Variants in BCAS3 observed in about 807,000 individuals in gnomAD.
BCAS3 encodes the protein BCAS4/BCAS3 fusion.
BCAS3 carries 53 observed loss-of-function variants against 116.1 expected under a neutral mutation model. The observed-to-expected ratio is 0.46, with a 90% CI of 0.37 to 0.57. The LOEUF is 0.57. BCAS3 is among the 20% of genes least tolerant of loss of function. The probability of loss-of-function intolerance (pLI) is 0.00; values close to 1 mark genes in which losing one functional copy is unlikely to be tolerated. For synonymous variants in BCAS3, 391 were observed against 408.2 expected, an observed-to-expected ratio of 0.96 and a Z score of 0.51; for missense variants, 917 against 1,165.4, an observed-to-expected ratio of 0.79 and a Z score of 3.10.
chr17:61,026,793 T>G lies in BCAS3; in HGVS notation c.1638-7873T>G. The G allele has an allele frequency of 7.4e-7, 1 of 1,349,678 alleles. No homozygotes were observed. Among genetic ancestry groups the G allele is most frequent in the Non-Finnish European group, 1.0e-6 (1 of 962,446 alleles). 83.6% of individuals were successfully genotyped at this position (1,349,678 alleles called of 1,614,324 possible). On this transcript the variant is annotated intron_variant, in intron 16 of 23. Transcript: ENST00000407086. This position sits in a 1 kb window ranked among gnomAD's most constrained non-coding sequence, Gnocchi z 5.0. ...TTATCCATACTCTATAACAGTATGA[T>G]ATACTTGTATTTGCTAATGTTAAAT... is the stretch of plus-strand genomic sequence containing the variant.
chr17:60,831,304 G>A (rs1225680600), intron 7 of BCAS3, among the ~76,000 whole-genome samples: 1 of 152,086 alleles, frequency 6.6e-6, no homozygotes, highest in Non-Finnish European at 1.5e-5. Context: ...AGCCTCCTGA[G>A]TAGCTGGGAC....
chr17:60,924,191 T>C (rs2059248872), intron 12 of BCAS3, among the ~76,000 whole-genome samples: 1 of 152,202 alleles, frequency 6.6e-6, no homozygotes, highest in Non-Finnish European at 1.5e-5. Flanking sequence ...GTCAGCTGAC[T>C]CTTTTTAGAG....
rs1602361909 is a variant in BCAS3 at position 61,276,627 on chromosome 17, T to A, written c.2426-91700T>A. ...GTGCTCCCCAAATTGATCTACAGATTCAACACAATCTCTATCAAAATGATC... is the reference window on the plus strand; with the variant it reads ...GTGCTCCCCAAATTGATCTACAGATACAACACAATCTCTATCAAAATGATC... On this transcript the variant is annotated intron_variant, in intron 22 of 23. Transcript: ENST00000407086. The surrounding 1 kb of genome is among the most constrained non-coding windows in gnomAD (Gnocchi z 4.2). 6.6e-6 allele frequency among the ~76,000 whole-genome samples: 1 copy of A among 152,178 alleles called. No individual in the cohort carries two copies. The highest frequency in any genetic ancestry group is 1.9e-4 in the East Asian group (1 of 5,182).
intron 12 of BCAS3, among the ~76,000 whole-genome samples, chr17:60,922,158 G>T (rs547585260): frequency 1.3e-5 from 2 of 151,784 alleles, no homozygotes; most frequent in East Asian, 3.9e-4. Context: ...ACAGAGTCTT[G>T]CTCTGTTGCC....
chr17:61,317,659 G>T (rs117660781), intron 22 of BCAS3, among the ~76,000 whole-genome samples: 4,058 of 152,318 alleles, frequency 0.027, 78 homozygotes, highest in Non-Finnish European at 0.042. Flanking sequence ...TGAGAATTCA[G>T]CGAGACAAGA....
chr17:60,998,917 G>T (rs896731225), intron 15 of BCAS3, among the ~76,000 whole-genome samples: 1 of 151,878 alleles, frequency 6.6e-6, no homozygotes, highest in Non-Finnish European at 1.5e-5. Flanking sequence ...GTTTTTCCTG[G>T]GTTTTCTTCT....
chr17:60,854,750 C>T (rs982241542), intron 7 of BCAS3, among the ~76,000 whole-genome samples: 25 of 152,040 alleles, frequency 1.6e-4, no homozygotes, highest in African/African-American at 2.4e-4. Flanking sequence ...GTTGGTGGGA[C>T]GGTAAACTAG....
rs902952202 is a variant in BCAS3, at chr17:61,043,674, G to A, written c.2029+2782G>A. 8.6e-5 allele frequency among the ~76,000 whole-genome samples: 13 copies of A among 151,924 alleles called. 1 individual carries two copies. The highest frequency in any genetic ancestry group is 2.2e-4 in the African/African-American group (9 of 41,400). On this transcript the variant is annotated intron_variant, in intron 19 of 23. Coordinates refer to ENST00000407086, the MANE Select transcript of BCAS3 (RefSeq NM_017679.5). ...TGAGTAAATACGGGCCTGTGTGTGC[G>A]AGAGTGCCCTGCAATCGAATGGTGT...
intron 13 of BCAS3, among the ~76,000 whole-genome samples, chr17:60,928,966 A>G (rs545923468): frequency 5.3e-5 from 8 of 152,364 alleles, no homozygotes; most frequent in African/African-American, 1.9e-4. Flanking sequence ...TTGTAAATGC[A>G]TAGATACCTC....
At chr17:61,257,139 T>C (rs1221369214) in intron 22 of BCAS3, among the ~76,000 whole-genome samples, 1 of 151,890 alleles carries the variant, frequency 6.6e-6, no homozygotes, top group African/African-American at 2.4e-5. Flanking sequence ...AGGGCAGAAC[T>C]GGCCAGGCGT....
At chr17:60,950,510 C>CA (rs1394629034) in intron 14 of BCAS3, among the ~76,000 whole-genome samples, 3 of 152,282 alleles carry the variant, frequency 2.0e-5, no homozygotes, top group Admixed American at 6.5e-5. Flanking sequence ...TTTGTAGAGA[C>CA]AGAGTCTCGC....
chr17:60,816,516 G>A (rs979044258), intron 7 of BCAS3, among the ~76,000 whole-genome samples: 8 of 151,968 alleles, frequency 5.3e-5, no homozygotes, highest in African/African-American at 9.6e-5. Context: ...CTCGTGATCC[G>A]CCCGCCTCGG....
At position 61,314,234 on chromosome 17, in the gene BCAS3, G is replaced by A. The variant is rs1231993349; in HGVS notation, c.2426-54093G>A. The stretch of plus-strand genomic sequence containing the variant: ...GCATTCTCTTCTCCCTTTGTACTAA[G>A]CTGGCACCATTAGCAGCCTGCCATT... On this transcript the variant is annotated intron_variant, in intron 22 of 23. Coordinates refer to ENST00000407086, the MANE Select transcript of BCAS3 (RefSeq NM_017679.5). Among the ~76,000 whole-genome samples the A allele has an allele frequency of 3.9e-5, 6 of 152,274 alleles. No homozygotes were observed. In the South Asian group the frequency reaches 6.2e-4, roughly 16 times the overall value.
intron 22 of BCAS3, among the ~76,000 whole-genome samples, chr17:61,193,810 A>T (rs1210301045): frequency 6.8e-6 from 1 of 147,886 alleles, no homozygotes; most frequent in African/African-American, 2.5e-5. Context: ...AAACCTAGTC[A>T]TATTCTGCTT....
intron 13 of BCAS3, among the ~76,000 whole-genome samples, chr17:60,933,527 C>T (rs1213088795): frequency 6.6e-6 from 1 of 152,088 alleles, no homozygotes; most frequent in Non-Finnish European, 1.5e-5. Flanking sequence ...AATATGTACC[C>T]CTTTAGATGC....
At position 61,366,665 on chromosome 17, in the gene BCAS3, G is replaced by A. The variant is rs1483950819; in HGVS notation, c.2426-1662G>A. 1.3e-5 allele frequency among the ~76,000 whole-genome samples: 2 copies of A among 152,200 alleles called. No homozygotes were observed. The highest frequency in any genetic ancestry group is 1.9e-4 in the East Asian group (1 of 5,184). ...ACTTGATGGAGAGGTGGCAGAGGGA[G>A]CTCCCCATTCTCAAGTCCTACCTGA... is the stretch of plus-strand genomic sequence containing the variant. On this transcript the variant is annotated intron_variant, in intron 22 of 23. Transcript: ENST00000407086. The surrounding 1 kb of genome is among the most constrained non-coding windows in gnomAD (Gnocchi z 4.5).
intron 5 of BCAS3, among the ~76,000 whole-genome samples, chr17:60,730,563 AAAAAC>A (rs1013060592): frequency 3.9e-5 from 6 of 152,200 alleles, no homozygotes; most frequent in South Asian, 2.1e-4. Flanking sequence ...TAGGCAGGCA[AAAAAC>A]AAAACAAAAC....
Position 60,988,338 on chromosome 17 carries a change from C to CTTTTTTTTTTTTTTTTTTTTTTTTTTT in BCAS3, c.1222-1611_1222-1610insTTTTTTTTTTTTTTTTTTTTTTTTTTT, listed in dbSNP as rs71148317. ...TTTTCTTTCCTTTTCTTTTCTTTTT[C>CTTTTTTTTTTTTTTTTTTTTTTTTTTT]TTTTTTTTTTTTTTTTTTTTTTATG... On this transcript the variant is annotated intron_variant, in intron 14 of 23. Transcript: ENST00000407086. 6.9e-4 allele frequency among the ~76,000 whole-genome samples: 46 copies of CTTTTTTTTTTTTTTTTTTTTTTTTTTT among 66,776 alleles called. 1 individual carries two copies. Among genetic ancestry groups the CTTTTTTTTTTTTTTTTTTTTTTTTTTT allele is most frequent in the Non-Finnish European group, 1.2e-3 (41 of 35,004 alleles). The allele number at this position is 66,776 out of a possible 152,430, so 43.8% of individuals were successfully genotyped here. A position where few individuals can be genotyped will look rare whatever the true frequency, so the allele number is the denominator to read the frequency against.
At chr17:60,921,073 C>A (rs577452319) in intron 12 of BCAS3, among the ~76,000 whole-genome samples, 1 of 152,052 alleles carries the variant, frequency 6.6e-6, no homozygotes, top group South Asian at 2.1e-4. Context: ...GGGTATATAC[C>A]CATAGGAAAA....
Sources: gnomAD v4.1 joint callset for allele counts (sites outside exome capture counted in the v4.1 genomes callset) on GRCh38, gnomAD v4.1.1 for gene constraint, Gnocchi (gnomAD v3.1) non-coding constraint, MANE v1.5 for transcripts, NCBI Gene and HGNC (gene_info 2026-07-23, HGNC 2026-07-21) for gene names.